Variants in ANGPT2 observed in about 807,000 individuals in gnomAD.
ANGPT2 encodes angiopoietin 2.
Under a neutral mutation model 62.9 loss-of-function variants are expected in ANGPT2, and 28 were observed. The observed-to-expected ratio is 0.44, with a 90% CI of 0.33 to 0.61. The LOEUF is 0.61. Among genes scored for constraint, ANGPT2 ranks in the 20% least tolerant of loss-of-function variants. The pLI is 0.03. For synonymous variants in ANGPT2, 284 were observed against 207.8 expected (o/e 1.37, Z -3.15); for missense variants, 727 against 594.9 (o/e 1.22, Z -2.31).
intron 1 of ANGPT2, among the ~76,000 whole-genome samples, chr8:6,560,641 C>G (rs1052832909): frequency 6.6e-6 from 1 of 152,226 alleles, no homozygotes; most frequent in African/African-American, 2.4e-5. Flanking sequence ...TTTAGCTAGA[C>G]AGCTGAAGAC....
chr8:6,553,849 T>C (rs1372964211), intron 1 of ANGPT2, among the ~76,000 whole-genome samples: 1 of 152,180 alleles, frequency 6.6e-6, no homozygotes, highest in Non-Finnish European at 1.5e-5. Context: ...AGGATGGCAC[T>C]GGCTGTGGAT....
intron 3 of ANGPT2, among the ~76,000 whole-genome samples, chr8:6,523,008 C>G (rs1235051003): frequency 6.8e-6 from 1 of 147,292 alleles, no homozygotes; most frequent in South Asian, 2.2e-4. Context: ...TTTTTTTTTT[C>G]TTTTTTTGAG....
At chr8:6,559,312 G>A (rs951155758) in intron 1 of ANGPT2, among the ~76,000 whole-genome samples, 1 of 151,792 alleles carries the variant, frequency 6.6e-6, no homozygotes, top group Non-Finnish European at 1.5e-5. Context: ...TCCCCTGGGA[G>A]CCCCTCACCA....
chr8:6,502,297 C>A lies in ANGPT2; in HGVS notation c.*804G>T, dbSNP rs1013837911. ...TCATAAAAGTTAAACATAGGCATAT[C>A]CCCTAATAAGTTATATTTAATTACT... On this transcript the variant is annotated 3_prime_UTR_variant, in exon 9 of 9. Coordinates refer to ENST00000629816, the MANE Select transcript of ANGPT2 (RefSeq NM_001118887.2). The A allele has an allele frequency of 8.6e-5, 13 of 151,958 alleles. No individual in the cohort carries two copies. Among genetic ancestry groups the A allele is most frequent in the Non-Finnish European group, 1.5e-4 (10 of 67,990 alleles). The allele number at this position is 151,958 out of a possible 1,614,324, so 9.4% of individuals were successfully genotyped here.
At chr8:6,510,094 A>T (rs1814704724) in intron 7 of ANGPT2, among the ~76,000 whole-genome samples, 1 of 152,208 alleles carries the variant, frequency 6.6e-6, no homozygotes, top group Non-Finnish European at 1.5e-5. Context: ...TACATCGGTC[A>T]TCTGTGTACC....
chr8:6,557,853 C>T (rs1414791373), intron 1 of ANGPT2, among the ~76,000 whole-genome samples: 2 of 152,240 alleles, frequency 1.3e-5, no homozygotes, highest in Non-Finnish European at 2.9e-5. Flanking sequence ...TCCTCTAGAT[C>T]TCAACTCAGG....
Position 6,541,723 on chromosome 8 carries a change from G to T in ANGPT2, c.289-9236C>A, listed in dbSNP as rs549645743. On this transcript the variant is annotated intron_variant, in intron 1 of 8. Coordinates refer to ENST00000629816, the MANE Select transcript of ANGPT2 (RefSeq NM_001118887.2). ...TTTTTAAAACTGTACTGAATGTAGG[G>T]CCGGGCATAGTGGCTCACTCCTGTA... Among the ~76,000 whole-genome samples the T allele has an allele frequency of 1.3e-4, 20 of 152,246 alleles. 3 individuals carry two copies. Among genetic ancestry groups the T allele is most frequent in the African/African-American group, 4.3e-4 (18 of 41,534 alleles).
chr8:6,508,836 G>C, intron 8 of ANGPT2, 96 bp downstream of exon 8: 4 of 1,532,964 alleles, frequency 2.6e-6, no homozygotes, highest in East Asian at 4.5e-5. Flanking sequence ...TGTGGACATC[G>C]TTACAAATCA....
At chr8:6,536,243 T>G (rs1337642666) in intron 1 of ANGPT2, among the ~76,000 whole-genome samples, 1 of 152,124 alleles carries the variant, frequency 6.6e-6, no homozygotes, top group Non-Finnish European at 1.5e-5. Context: ...TGGTAGGTAC[T>G]GTTTCTTGGT....
Position 6,526,064 on chromosome 8 carries a change from C to T in ANGPT2, c.566+1491G>A, listed in dbSNP as rs187983198. On this transcript the variant is annotated intron_variant, in intron 3 of 8. Transcript: ENST00000629816. ...CAGGCAAGAGAAAAGTAATCTCCAG[C>T]TCCCATGTGTTCCAGGAATCACTGC... Among the ~76,000 whole-genome samples the T allele has an allele frequency of 3.2e-3, 488 of 152,144 alleles. 4 individuals carry two copies. Among genetic ancestry groups the T allele is most frequent in the African/African-American group, 0.012 (478 of 41,496 alleles).
At chr8:6,514,920 G>A in intron 5 of ANGPT2, 142 bp from the exon 6 acceptor site, 1 of 626,110 alleles carries the variant, frequency 1.6e-6, no homozygotes, top group Non-Finnish European at 2.8e-6. Context: ...TAGACCATCG[G>A]GGTTGTCTAA....
At chr8:6,503,918 G>C (rs999500803) in intron 8 of ANGPT2, among the ~76,000 whole-genome samples, 7 of 152,180 alleles carry the variant, frequency 4.6e-5, no homozygotes, top group Non-Finnish European at 1.0e-4. Flanking sequence ...GTTTGTGAGA[G>C]AAAGAAACAC....
At chr8:6,522,480 A>G (rs1817547675) in intron 3 of ANGPT2, among the ~76,000 whole-genome samples, 1 of 152,262 alleles carries the variant, frequency 6.6e-6, no homozygotes, top group East Asian at 1.9e-4. Context: ...ATTGAAACTT[A>G]GGGACATTGA....
intron 7 of ANGPT2, among the ~76,000 whole-genome samples, chr8:6,512,753 A>G (rs755602094): frequency 6.6e-6 from 1 of 152,230 alleles, no homozygotes; most frequent in Non-Finnish European, 1.5e-5. Context: ...GGCAGAAAGT[A>G]AATTCCCAGT....
At chr8:6,506,957 G>A (rs534482516) in intron 8 of ANGPT2, among the ~76,000 whole-genome samples, 1 of 151,990 alleles carries the variant, frequency 6.6e-6, no homozygotes, top group South Asian at 2.1e-4. Flanking sequence ...GATTGTACTG[G>A]TGCGATCTCG....
intron 1 of ANGPT2, among the ~76,000 whole-genome samples, chr8:6,561,227 T>C (rs1359709620): frequency 1.3e-5 from 2 of 152,260 alleles, no homozygotes; most frequent in Non-Finnish European, 2.9e-5. Context: ...GGAAACTTAC[T>C]GGAGCGCTTA....
intron 1 of ANGPT2, among the ~76,000 whole-genome samples, chr8:6,562,351 G>GC (rs1176985513): frequency 6.6e-6 from 1 of 152,024 alleles, no homozygotes; most frequent in African/African-American, 2.4e-5. Flanking sequence ...CACAAGTTGT[G>GC]CAGGGAAGTA....
intron 1 of ANGPT2, among the ~76,000 whole-genome samples, chr8:6,556,199 G>T (rs1177308455): frequency 1.3e-5 from 2 of 151,850 alleles, no homozygotes; most frequent in African/African-American, 4.8e-5. Flanking sequence ...TTTAAAATAT[G>T]TACTATATAA....
chr8:6,499,904 T>G lies in ANGPT2; in HGVS notation c.*3197A>C. On this transcript the variant is annotated 3_prime_UTR_variant, in exon 9 of 9. Coordinates refer to ENST00000629816, the MANE Select transcript of ANGPT2 (RefSeq NM_001118887.2). ...TGGATTTCTGAGGAGCCGTTCGAAC[T>G]GTCTCACCACTTCCCTGCAGCTCCC... The G allele has an allele frequency of 6.2e-7, 1 of 1,613,746 alleles. No individual in the cohort carries two copies. Among genetic ancestry groups the G allele is most frequent in the South Asian group, 1.1e-5 (1 of 91,072 alleles).
Sources: allele counts gnomAD v4.1 joint callset (sites outside exome capture counted in the v4.1 genomes callset), GRCh38; gene constraint gnomAD v4.1.1; transcripts MANE v1.5; gene names NCBI Gene and HGNC (gene_info 2026-07-23, HGNC 2026-07-21).